BRAT1: variants seen among roughly 807,000 people sequenced by gnomAD.
The protein encoded by BRAT1 is integrator complex assembly factor BRAT1.
BRAT1 carries 74 observed loss-of-function variants against 70.6 expected under a neutral mutation model. The ratio of observed to expected loss-of-function variants is 1.05; its 90% CI spans 0.87 to 1.27. The LOEUF (loss-of-function observed/expected upper bound fraction) is 1.27. Among genes scored for constraint, BRAT1 ranks in the 50% most tolerant of loss-of-function variants. BRAT1 has a pLI of 0.00. For missense variants in BRAT1, 1,203 were observed against 1,098.2 expected (o/e 1.10, Z -1.35); for synonymous variants, 615 against 517.1 (o/e 1.19, Z -2.57).
Position 2,540,971 on chromosome 7 carries a change from CACCGT to C in BRAT1, c.1395+3_1395+7del. 6.5e-7 allele frequency: 1 copy of C among 1,543,262 alleles called. No individual in the cohort carries two copies. On this transcript the variant is annotated splice_donor_5th_base_variant and intron_variant, in intron 10 of 13. Transcript: ENST00000340611. ...TCCTCTCCTCGCTCTCTATCCCCAC[CACCGT>C]ACCGTGGGGCTGGAGCCGGGGCTCT...
rs145509776 is a variant in BRAT1, at chr7:2,539,577, C to T, written c.1564G>A (p.Glu522Lys). 5.7e-6 allele frequency: 9 copies of T among 1,581,464 alleles called. No homozygotes were observed. The highest frequency in any genetic ancestry group is 3.6e-5 in the Admixed American group (2 of 55,994). ...TGCCTGCTCAGCTGGGTCAGGAACT[C>T]GAGGGCGGAGTCCCTCACCTCCCAG... ...PCWEVRDSAL[E>K]FLTQLSRHWG... Residue 522 changes from glutamate (E) to lysine (K), a missense_variant, in exon 12 of 14, where the codon GAG (glutamate) becomes AAG (lysine). Physicochemically the swap from Glu to Lys is moderately conservative, Grantham distance 56. Transcript: ENST00000340611.
intron 3 of BRAT1, among the ~76,000 whole-genome samples, chr7:2,546,922 C>T (rs1033216141): frequency 6.6e-5 from 10 of 151,974 alleles, no homozygotes; most frequent in Non-Finnish European, 1.3e-4. Context: ...CTCCTGTCTC[C>T]GTCCCAGGAA....
intron 12 of BRAT1, 72 bp downstream of exon 12, chr7:2,539,472 C>T: frequency 6.7e-7 from 1 of 1,499,652 alleles, no homozygotes; most frequent in African/African-American, 1.4e-5. Flanking sequence ...CAGCAAGAGG[C>T]TGCTGGTGCA....
At position 2,539,239 on chromosome 7, in the gene BRAT1, C is replaced by T; in HGVS notation, c.1710G>A (p.Gly570=). Residue 570 remains glycine (G), a synonymous_variant, in exon 13 of 14, where the codon GGG becomes GGA. Coordinates refer to ENST00000340611, the MANE Select transcript of BRAT1 (RefSeq NM_152743.4). The part of the protein sequence containing the change: ...YVRASAVTAM[G]QLSSQGLHAP... ...CGTGCAGGCCCTGGCTGGACAGCTG[C>T]CCCATGGCGGTCACTGCACTCGCTC... 6.2e-7 allele frequency: 1 copy of T among 1,611,306 alleles called. No homozygotes were observed. Among genetic ancestry groups the T allele is most frequent in the Non-Finnish European group, 8.5e-7 (1 of 1,179,896 alleles).
Position 2,543,710 on chromosome 7 carries a change from C to T in BRAT1, c.683G>A (p.Cys228Tyr), listed in dbSNP as rs1367938873. Reference sequence around the variant, plus strand: ...CAGGGCTTCCGTCCAGGGGCTCTGGCAGCGCCCGAAGGTCGTGGTCAGGAC... The same window carrying T: ...CAGGGCTTCCGTCCAGGGGCTCTGGTAGCGCCCGAAGGTCGTGGTCAGGAC... ...LNVLTTTFGR[C>Y]QSPWTEALWV... The change falls in exon 5 of 14, where the codon TGC becomes TAC. Residue 228 changes from cysteine (C) to tyrosine (Y), a missense_variant. By Grantham distance (194) the Cys-to-Tyr change is radical (BLOSUM62 -2). Coordinates refer to ENST00000340611, the MANE Select transcript of BRAT1 (RefSeq NM_152743.4). The surrounding 1 kb of genome is among the most constrained non-coding windows in gnomAD (Gnocchi z 5.5). 6.3e-7 allele frequency: 1 copy of T among 1,579,672 alleles called. No individual in the cohort carries two copies. The highest frequency in any genetic ancestry group is 1.7e-5 in the Admixed American group (1 of 58,204).
At chr7:2,538,833 C>G in intron 13 of BRAT1, 69 bp from the exon 14 acceptor site, 1 of 1,573,876 alleles carries the variant, frequency 6.4e-7, no homozygotes, top group Non-Finnish European at 8.6e-7. Flanking sequence ...AACAGGACTC[C>G]GGTACATGAT....
At chr7:2,554,259 C>A in intron 2 of BRAT1, 46 bp downstream of exon 2, 1 of 1,603,782 alleles carries the variant, frequency 6.2e-7, no homozygotes, top group Non-Finnish European at 8.5e-7. Context: ...CCAGCCTCTG[C>A]GTCTGGTCTC....
chr7:2,544,970 C>T lies in BRAT1; in HGVS notation c.369G>A (p.Trp123Ter). Residue 123 changes from tryptophan to a stop codon, truncating the protein, a stop_gained, in exon 4 of 14, where the codon TGG (tryptophan) becomes TGA (stop). Coordinates refer to ENST00000340611, the MANE Select transcript of BRAT1 (RefSeq NM_152743.4). LOFTEE classifies it high-confidence loss of function. ...GTGCCAGGGAGCGCAGGCCCTGGAT[C>T]CAGCCGCTGCGCACGGTGGGGACGG... Reference protein sequence around the residue: ...TWAVPTVRSGWIQGLRSLAQH... With the variant: ...TWAVPTVRSG The T allele has an allele frequency of 6.4e-7, 1 of 1,565,408 alleles. No individual in the cohort carries two copies. Among genetic ancestry groups the T allele is most frequent in the East Asian group, 2.3e-5 (1 of 42,772 alleles).
In BRAT1 at chr7:2,538,787, G is replaced by A. The variant is rs764676494; in HGVS notation, c.1771-23C>T. On this transcript the variant is annotated intron_variant, in intron 13 of 13. Coordinates refer to ENST00000340611, the MANE Select transcript of BRAT1 (RefSeq NM_152743.4). ...GCTCTGGGGGACAGGGAGCAAGTGC[G>A]GATGGTTGGTGGGGTGGCAGGAGCG... 1.9e-4 allele frequency: 308 copies of A among 1,597,364 alleles called. No homozygotes were observed. The highest frequency in any genetic ancestry group is 2.5e-4 in the Non-Finnish European group (290 of 1,179,518).
chr7:2,549,262 A>G (rs895197259), intron 2 of BRAT1, among the ~76,000 whole-genome samples: 1 of 152,146 alleles, frequency 6.6e-6, no homozygotes, highest in African/African-American at 2.4e-5. Context: ...AGGTGGGCAG[A>G]TTGCCTGAGC....
At position 2,541,726 on chromosome 7, in the gene BRAT1, G is replaced by A. The variant is rs1360874724; in HGVS notation, c.1126C>T (p.Gln376Ter). ...CRTLAHLEEL[Q>*]PLPQRPSPWP... ...GACCGGGCCGCACCTACCAGCGGCT[G>A]CAGCTCCTCCAGGTGAGCCAGGGTG... Residue 376 changes from glutamine to a stop codon, truncating the protein, a stop_gained, in exon 8 of 14, where the codon CAG becomes TAG. Transcript: ENST00000340611. LOFTEE classifies it high-confidence loss of function. The A allele has an allele frequency of 2.5e-6, 4 of 1,608,208 alleles. No homozygotes were observed. The South Asian group carries it at 4.4e-5, about 18-fold the overall frequency.
rs543555790 is a variant in BRAT1, at chr7:2,538,285, G to A, written c.2250C>T (p.Ala750=). ...CACCCGCCCGCCACCTCGGCAGGGT[G>A]GCCTCTGCGGAGGCAGTGTTGGGGC... ...RGSPNTASAE[A]TLPRWRAGEQ... The change falls in exon 14 of 14, where the codon GCC becomes GCT. Residue 750 remains alanine (A), a synonymous_variant. Transcript: ENST00000340611. 111 of 1,612,272 alleles carry A rather than the reference G, an allele frequency of 6.9e-5. No homozygotes were observed. The East Asian group carries it at 2.4e-3, about 34-fold the overall frequency.
At chr7:2,552,093 TATATATATATATA>T (rs1210650459) in intron 2 of BRAT1, among the ~76,000 whole-genome samples, 1,840 of 18,288 alleles carry the variant, frequency 0.1, 77 homozygotes, top group Non-Finnish European at 0.14. Context: ...TATATATATA[TATATATATATATA>T]TTTTTTTTTT....
chr7:2,538,376 C>T lies in BRAT1; in HGVS notation c.2159G>A (p.Cys720Tyr). 3 of 1,613,524 alleles carry T rather than the reference C, an allele frequency of 1.9e-6. No individual in the cohort carries two copies. Among genetic ancestry groups the T allele is most frequent in the Non-Finnish European group, 2.5e-6 (3 of 1,179,938 alleles). Residue 720 changes from cysteine (C) to tyrosine (Y), a missense_variant, in exon 14 of 14, where the codon TGT (cysteine) becomes TAT (tyrosine). Cys to Tyr is a radical substitution (Grantham distance 194). Coordinates refer to ENST00000340611, the MANE Select transcript of BRAT1 (RefSeq NM_152743.4). ...GTCCCTCAGGAAGAGAAGGAGGTCA[C>T]AAGACTTCTGCGCCACAGGGCGGTC... ...DCDRPVAQKSCDLLLFLRDKI... is the reference protein window; with the variant it reads ...DCDRPVAQKSYDLLLFLRDKI...
intron 2 of BRAT1, among the ~76,000 whole-genome samples, chr7:2,549,956 G>A (rs556283254): frequency 1.3e-5 from 2 of 152,178 alleles, no homozygotes; most frequent in African/African-American, 4.8e-5. Context: ...ACTTCAAAAC[G>A]TGTAAAGCAG....
intron 2 of BRAT1, among the ~76,000 whole-genome samples, chr7:2,549,325 A>C (rs1562589612): frequency 6.6e-6 from 1 of 152,054 alleles, no homozygotes; most frequent in African/African-American, 2.4e-5. Context: ...CTCTCTATAA[A>C]AATTCGCTGG....
intron 2 of BRAT1, among the ~76,000 whole-genome samples, chr7:2,548,917 A>C (rs7804517): frequency 0.19 from 29,369 of 152,106 alleles, 3,699 homozygotes; most frequent in African/African-American, 0.36. Flanking sequence ...GTGAGCCGAG[A>C]TCGCACCACT....
At chr7:2,544,001 A>C in intron 4 of BRAT1, 39 bp from the exon 5 acceptor site, 1 of 1,490,688 alleles carries the variant, frequency 6.7e-7, no homozygotes, top group South Asian at 1.3e-5. Flanking sequence ...AAAGGGGGTG[A>C]GCCAGAATAG....
At chr7:2,545,505 T>TTTTG (rs1779545880) in intron 3 of BRAT1, among the ~76,000 whole-genome samples, 1 of 149,512 alleles carries the variant, frequency 6.7e-6, no homozygotes, top group African/African-American at 2.5e-5. Flanking sequence ...TCTTTTTTTT[T>TTTTG]TTTTTGAGAC....
Sources: gnomAD v4.1 joint callset for allele counts (sites outside exome capture counted in the v4.1 genomes callset) on GRCh38, gnomAD v4.1.1 for gene constraint, Gnocchi (gnomAD v3.1) non-coding constraint, MANE v1.5 for transcripts, NCBI Gene and HGNC (gene_info 2026-07-23, HGNC 2026-07-21) for gene names.